Variants in ACAT1 observed in about 807,000 individuals in gnomAD.
The protein encoded by ACAT1 is acetyl-CoA acetyltransferase 1, also known as acetyl-CoA acetyltransferase, mitochondrial.
A neutral mutation model predicts 47.3 loss-of-function variants in ACAT1; 28 were observed. The observed-to-expected ratio is 0.59, with a 90% CI of 0.44 to 0.81. The LOEUF is 0.81. Ranked by LOEUF, ACAT1 falls within the 30% of genes least tolerant of loss-of-function variation. ACAT1 has a pLI of 0.00. For synonymous variants in ACAT1, 181 were observed against 173.6 expected (o/e 1.04, Z -0.34); for missense variants, 469 against 524.3 (o/e 0.89, Z 1.03).
intron 1 of ACAT1, chr11:108,128,122 A>G (rs2077286864): frequency 6.6e-6 from 1 of 152,274 alleles, no homozygotes; most frequent in Admixed American, 6.5e-5. Context: ...AAGTGAGACA[A>G]TTATAGCGAG....
chr11:108,128,699 G>A (rs2077296634), intron 1 of ACAT1: 1 of 152,214 alleles, frequency 6.6e-6, no homozygotes, highest in Non-Finnish European at 1.5e-5. Context: ...AGTAAAAGGG[G>A]TGAATGATGT....
At position 108,121,645 on chromosome 11, in the gene ACAT1, C is replaced by T. The variant is rs908924449; in HGVS notation, c.39C>T (p.Arg13=). 6.5e-7 allele frequency: 1 copy of T among 1,550,304 alleles called. No homozygotes were observed. Among genetic ancestry groups the T allele is most frequent in the East Asian group, 2.4e-5 (1 of 41,066 alleles). ...CGGCACTTCTGCGCAGCGGCGCCCG[C>T]AGCCGCAGCCCCCTGCTCCGGAGGC... is the stretch of plus-strand genomic sequence containing the variant. ...VLAALLRSGA[R]SRSPLLRRLV... Residue 13 remains arginine (R), a synonymous_variant, in exon 1 of 12, where the codon CGC becomes CGT. Coordinates refer to ENST00000265838, the MANE Select transcript of ACAT1 (RefSeq NM_000019.4).
intron 2 of ACAT1, 65 bp downstream of exon 2, chr11:108,132,019 A>C: frequency 9.9e-7 from 1 of 1,011,666 alleles, no homozygotes; most frequent in Admixed American, 1.8e-5. Flanking sequence ...AAAAATGCAT[A>C]TACTTATGAT....
intron 5 of ACAT1, among the ~76,000 whole-genome samples, chr11:108,138,556 C>A (rs2077516319): frequency 6.6e-6 from 1 of 151,988 alleles, no homozygotes; most frequent in South Asian, 2.1e-4. Flanking sequence ...ACCACCACAC[C>A]CAGCTAATTT....
upstream of ACAT1, among the ~76,000 whole-genome samples, chr11:108,120,679 A>C (rs1012818493): frequency 5.3e-5 from 8 of 152,018 alleles, no homozygotes; most frequent in Admixed American, 4.6e-4. Flanking sequence ...TCTCAGCTGG[A>C]GTGGTTGAAG....
In ACAT1 at chr11:108,139,899, C is replaced by A. The variant is rs2077552770; in HGVS notation, c.580-166C>A. On this transcript the variant is annotated intron_variant, in intron 6 of 11. Coordinates refer to ENST00000265838, the MANE Select transcript of ACAT1 (RefSeq NM_000019.4). ...ATCTCCTGACCTCATGATCTGCCTG[C>A]CTTGGCCCCCCAAAGTGCTGGGATT... 1.4e-5 allele frequency: 10 copies of A among 710,032 alleles called. No individual in the cohort carries two copies. The South Asian group carries it at 1.7e-4, about 12-fold the overall frequency. The allele number at this position is 710,032 out of a possible 1,614,324, so 44.0% of individuals were successfully genotyped here.
At chr11:108,121,221 T>C (rs36216230), upstream of ACAT1, 1,733 of 287,894 alleles carry the variant, frequency 6.0e-3, 52 homozygotes, top group Admixed American at 0.058. Context: ...AAAAAAATCC[T>C]AAAATATTTT....
At chr11:108,133,399 T>C (rs1206437712) in intron 2 of ACAT1, among the ~76,000 whole-genome samples, 4 of 152,184 alleles carry the variant, frequency 2.6e-5, no homozygotes, top group African/African-American at 9.6e-5. Flanking sequence ...GGCAGAAGGA[T>C]TGCTTGAGCT....
At chr11:108,126,981 TA>T (rs1021526399) in intron 1 of ACAT1, among the ~76,000 whole-genome samples, 6 of 151,550 alleles carry the variant, frequency 4.0e-5, no homozygotes, top group East Asian at 1.9e-4. Flanking sequence ...ATTTTATTTT[TA>T]TTTTTTTGTA....
At chr11:108,146,457 C>T in intron 11 of ACAT1, 98 bp downstream of exon 11, 7 of 1,408,820 alleles carry the variant, frequency 5.0e-6, no homozygotes, top group Non-Finnish European at 5.9e-6. Flanking sequence ...CTTAAGTTTT[C>T]CTTCCTACCC....
Position 108,147,314 on chromosome 11 carries a change from A to T in ACAT1, c.1208A>T (p.Lys403Met). 1 of 1,613,980 alleles carries T rather than the reference A, an allele frequency of 6.2e-7. No individual in the cohort carries two copies. Among genetic ancestry groups the T allele is most frequent in the Non-Finnish European group, 8.5e-7 (1 of 1,179,928 alleles). Residue 403 changes from lysine to methionine, a missense_variant, in exon 12 of 12, where the codon AAG becomes ATG. Lys to Met is a moderately conservative substitution (Grantham distance 95). Coordinates refer to ENST00000265838, the MANE Select transcript of ACAT1 (RefSeq NM_000019.4). ...RIVGHLTHAL[K>M]QGEYGLASIC... ...GTTGGTCATTTGACTCATGCCTTGAAGCAAGGAGAATACGGTCTTGCCAGT... is the reference window on the plus strand; with the variant it reads ...GTTGGTCATTTGACTCATGCCTTGATGCAAGGAGAATACGGTCTTGCCAGT...
chr11:108,138,391 C>T (rs1001711378), intron 5 of ACAT1, among the ~76,000 whole-genome samples: 5 of 150,166 alleles, frequency 3.3e-5, no homozygotes, highest in Admixed American at 6.6e-5. Context: ...CTGCAATCTC[C>T]GCCTCTACTT....
chr11:108,135,041 A>G, intron 4 of ACAT1, 101 bp from the exon 5 acceptor site: 1 of 762,766 alleles, frequency 1.3e-6, no homozygotes, highest in Non-Finnish European at 2.3e-6. Context: ...TTGTAGTTAT[A>G]TTGGCAGAAG....
chr11:108,133,730 AGT>A (rs1442197500), intron 2 of ACAT1, 88 bp from the exon 3 acceptor site: 1 of 1,047,098 alleles, frequency 9.6e-7, no homozygotes, highest in Non-Finnish European at 1.5e-6. Flanking sequence ...CATTCATAGA[AGT>A]GTTTTTTTGA....
At chr11:108,117,669 C>T (rs564933365), upstream of ACAT1, among the ~76,000 whole-genome samples, 3 of 152,160 alleles carry the variant, frequency 2.0e-5, no homozygotes, top group South Asian at 6.2e-4. Context: ...CGTAGTACAA[C>T]GAGTTATTCC....
At chr11:108,131,124 C>CT in intron 1 of ACAT1, among the ~76,000 whole-genome samples, 1 of 152,016 alleles carries the variant, frequency 6.6e-6, no homozygotes, top group Non-Finnish European at 1.5e-5. Flanking sequence ...TTACTCTTTC[C>CT]TTTTTTAAGA....
chr11:108,127,500 C>T (rs1374997784), intron 1 of ACAT1, among the ~76,000 whole-genome samples: 1 of 152,038 alleles, frequency 6.6e-6, no homozygotes, highest in Admixed American at 6.6e-5. Flanking sequence ...TATCTCCCGA[C>T]CTCGTGATCT....
intron 9 of ACAT1, chr11:108,142,791 T>A (rs1340786220): frequency 4.1e-6 from 2 of 491,244 alleles, no homozygotes; most frequent in African/African-American, 3.9e-5. Flanking sequence ...GAACTGAGAT[T>A]GTACCACTGC....
chr11:108,140,839 T>C (rs9666209), intron 7 of ACAT1, among the ~76,000 whole-genome samples: 78,423 of 151,992 alleles, frequency 0.52, 22,312 homozygotes, highest in East Asian at 0.88. Context: ...TTATCTAGTG[T>C]AGGTCAGACA....
Sources: gnomAD v4.1 joint callset for allele counts (sites outside exome capture counted in the v4.1 genomes callset) on GRCh38, gnomAD v4.1.1 for gene constraint, MANE v1.5 for transcripts, NCBI Gene and HGNC (gene_info 2026-07-23, HGNC 2026-07-21) for gene names.